The following SND1 variants were observed in gnomAD, a reference collection of about 807,000 sequenced individuals.
SND1 encodes staphylococcal nuclease domain-containing protein 1.
SND1 carries 38 observed loss-of-function variants against 121.7 expected under a neutral mutation model. The ratio of observed to expected loss-of-function variants is 0.31; its 90% confidence interval spans 0.24 to 0.41. The LOEUF is 0.41. Among genes scored for constraint, SND1 ranks in the 10% least tolerant of loss-of-function variants. The pLI is 1.00. For synonymous variants in SND1, 401 were observed against 447.4 expected (o/e 0.90, Z 1.31); for missense variants, 868 against 1,184.6 (o/e 0.73, Z 3.92).
At position 127,663,706 on chromosome 7, in the gene SND1, C is replaced by T. The variant is rs192198367; in HGVS notation, c.78+11255C>T. Among the ~76,000 whole-genome samples the T allele has an allele frequency of 1.1e-4, 17 of 152,204 alleles. No individual in the cohort carries two copies. The South Asian group carries it at 1.9e-3, about 17-fold the overall frequency. ...GTACTTCTTAATTGGTTGCCGGCCC[C>T]GCCAACCCCAGGTGTCTTAAGGTCT... On this transcript the variant is annotated intron_variant, in intron 1 of 23. Transcript: ENST00000354725.
chr7:127,922,204 G>GT (rs1563059053), intron 14 of SND1, among the ~76,000 whole-genome samples: 1 of 65,674 alleles, frequency 1.5e-5, no homozygotes, highest in Admixed American at 2.0e-4. Context: ...TTTTTTTTTT[G>GT]TTTTGTGAGG....
chr7:127,946,176 G>T (rs1801325869), intron 15 of SND1, among the ~76,000 whole-genome samples: 1 of 152,130 alleles, frequency 6.6e-6, no homozygotes, highest in South Asian at 2.1e-4. Context: ...TTGGGGGTTT[G>T]GATTTGTTTT....
At chr7:127,858,231 G>C in intron 12 of SND1, 1 of 773,278 alleles carries the variant, frequency 1.3e-6, no homozygotes, top group Non-Finnish European at 2.3e-6. Flanking sequence ...TACATGCCAA[G>C]GTTTCCCTGG....
chr7:127,970,635 A>G (rs900928482), intron 15 of SND1, among the ~76,000 whole-genome samples: 6 of 152,308 alleles, frequency 3.9e-5, no homozygotes, highest in East Asian at 3.9e-4. Flanking sequence ...ATGAACTTGT[A>G]TGAAAGTATA....
At chr7:127,716,011 T>A (rs1248655335) in intron 9 of SND1, among the ~76,000 whole-genome samples, 2 of 152,226 alleles carry the variant, frequency 1.3e-5, no homozygotes, top group Non-Finnish European at 2.9e-5. Context: ...ATCTCAAAAA[T>A]CATTTGACTG....
chr7:128,021,568 C>T (rs943058677), intron 16 of SND1, among the ~76,000 whole-genome samples: 2 of 152,180 alleles, frequency 1.3e-5, no homozygotes, highest in African/African-American at 2.4e-5. Context: ...ACAGGGAACA[C>T]TTAGTGTGTG....
At position 128,012,716 on chromosome 7, in the gene SND1, G is replaced by A. The variant is rs535362274; in HGVS notation, c.1779+21660G>A. On this transcript the variant is annotated intron_variant, in intron 16 of 23. Transcript: ENST00000354725. ...TAAATGGAGCTCTGGAGCTCAGGCT[G>A]GAAGCTTCCATGCTACATTTACATA... is the stretch of plus-strand genomic sequence containing the variant. 9.9e-5 allele frequency among the ~76,000 whole-genome samples: 15 copies of A among 152,086 alleles called. No homozygotes were observed. The Middle Eastern group carries it at 0.014, about 138-fold the overall frequency.
At chr7:128,032,527 GCCGGCCCCCGCCCTCCGGCCCGCAC>G (rs986260230) in intron 16 of SND1, among the ~76,000 whole-genome samples, 2 of 151,642 alleles carry the variant, frequency 1.3e-5, no homozygotes, top group African/African-American at 2.4e-5. Context: ...GAGAGCCCGC[GCCGGCCCCCGCCCTCCGGCCCGCAC>G]CCGGGGCCCC....
chr7:127,964,685 G>C (rs1270788850), intron 15 of SND1, among the ~76,000 whole-genome samples: 1 of 150,946 alleles, frequency 6.6e-6, no homozygotes, highest in African/African-American at 2.4e-5. Flanking sequence ...AAGTCAGGTA[G>C]CGTGATGCCT....
At chr7:128,073,416 G>A (rs1793448040) in intron 16 of SND1, among the ~76,000 whole-genome samples, 1 of 152,146 alleles carries the variant, frequency 6.6e-6, no homozygotes, top group African/African-American at 2.4e-5. Context: ...GGGAGGAAGC[G>A]AGGGTCCTGC....
At chr7:127,702,274 T>C (rs902046823) in intron 5 of SND1, among the ~76,000 whole-genome samples, 161 bp from the exon 6 acceptor site, 2 of 152,248 alleles carry the variant, frequency 1.3e-5, no homozygotes, top group East Asian at 1.9e-4. Context: ...GAGTCTGTTA[T>C]GTAAACTCTC....
intron 10 of SND1, among the ~76,000 whole-genome samples, chr7:127,787,387 A>G (rs1456534577): frequency 2.0e-5 from 3 of 152,170 alleles, no homozygotes. Flanking sequence ...GCTGTGTACT[A>G]CCATGCCTGC....
chr7:127,729,549 G>T (rs1465973683), intron 10 of SND1, among the ~76,000 whole-genome samples: 2 of 150,286 alleles, frequency 1.3e-5, no homozygotes, highest in African/African-American at 4.9e-5. Context: ...TCATTCCTTG[G>T]TGGGCTAATT....
At chr7:127,732,685 T>A (rs1263237098) in intron 10 of SND1, among the ~76,000 whole-genome samples, 2 of 152,230 alleles carry the variant, frequency 1.3e-5, no homozygotes, top group Admixed American at 6.5e-5. Flanking sequence ...TTAAATACAA[T>A]TTTATATTCT....
At chr7:127,886,037 T>C (rs1378226070) in intron 12 of SND1, among the ~76,000 whole-genome samples, 1 of 152,092 alleles carries the variant, frequency 6.6e-6, no homozygotes, top group Non-Finnish European at 1.5e-5. Flanking sequence ...GATTTGAGGC[T>C]GTTGCCTTCT....
At chr7:127,854,430 G>T (rs554594186) in intron 12 of SND1, among the ~76,000 whole-genome samples, 35 of 151,906 alleles carry the variant, frequency 2.3e-4, no homozygotes, top group Non-Finnish European at 4.4e-4. Context: ...TCCGGCCAGG[G>T]CTTTATTCTT....
chr7:128,076,798 G>A (rs530826755), intron 17 of SND1, among the ~76,000 whole-genome samples: 1 of 152,354 alleles, frequency 6.6e-6, no homozygotes, highest in East Asian at 1.9e-4. Context: ...GAGTGTGATT[G>A]TGTGTGCATG....
At chr7:127,923,501 G>A (rs954004023) in intron 14 of SND1, among the ~76,000 whole-genome samples, 1 of 152,164 alleles carries the variant, frequency 6.6e-6, no homozygotes, top group Non-Finnish European at 1.5e-5. Context: ...TGGTAACACA[G>A]GAGCTCGAGG....
intron 12 of SND1, among the ~76,000 whole-genome samples, chr7:127,858,991 C>G (rs898633806): frequency 6.6e-6 from 1 of 152,174 alleles, no homozygotes; most frequent in Non-Finnish European, 1.5e-5. Context: ...GTGAAAATGA[C>G]TCTCTGGGGC....
Sources: allele counts gnomAD v4.1 joint callset (sites outside exome capture counted in the v4.1 genomes callset), GRCh38; gene constraint gnomAD v4.1.1; transcripts MANE v1.5; gene names NCBI Gene and HGNC (gene_info 2026-07-23, HGNC 2026-07-21).